The following TSPAN1 variants were observed in gnomAD, a reference collection of about 807,000 sequenced individuals.
TSPAN1 encodes tetraspanin-1.
TSPAN1 carries 23 observed loss-of-function variants against 26.9 expected under a neutral mutation model. The observed-to-expected ratio is 0.85, with a 90% CI of 0.62 to 1.21. TSPAN1 has a LOEUF of 1.21. TSPAN1 is among the 50% of genes most tolerant of loss of function. The pLI is 0.00. For synonymous variants in TSPAN1, 115 were observed against 114.8 expected, an observed-to-expected ratio of 1.00 and a Z score of -0.01; for missense variants, 283 against 298.4, an observed-to-expected ratio of 0.95 and a Z score of 0.38.
chr1:46,184,486 C>T (rs922383246), intron 4 of TSPAN1, 89 bp downstream of exon 4: 14 of 1,600,564 alleles, frequency 8.7e-6, no homozygotes, highest in Non-Finnish European at 1.1e-5. Context: ...CTGCTTTGGA[C>T]CCCCCTAGGC....
chr1:46,196,225 G>T, the TSPAN1 span: 5 of 1,497,862 alleles, frequency 3.3e-6, no homozygotes, highest in East Asian at 9.8e-5. This position sits in a 1 kb window ranked among gnomAD's most constrained non-coding sequence, Gnocchi z 4.4. Context: ...CAGCTCGAAG[G>T]CCACCTCTTC....
At chr1:46,177,946 A>G (rs1355059173) in intron 1 of TSPAN1, among the ~76,000 whole-genome samples, 1 of 152,208 alleles carries the variant, frequency 6.6e-6, no homozygotes, top group African/African-American at 2.4e-5. Context: ...AACCCAGAGC[A>G]CTTAACTCTC....
downstream of TSPAN1, chr1:46,189,079 T>C (rs1571644792): frequency 2.6e-6 from 4 of 1,515,072 alleles, no homozygotes; most frequent in South Asian, 2.7e-5. Flanking sequence ...AGTAAATAAA[T>C]AGACTTTTAA....
intron 4 of TSPAN1, 52 bp downstream of exon 4, chr1:46,184,449 G>T (rs910691137): frequency 6.2e-7 from 1 of 1,612,202 alleles, no homozygotes; most frequent in Non-Finnish European, 8.5e-7. Context: ...CCTCGCCCTT[G>T]ACACCAGGCC....
At chr1:46,181,211 G>GTCACAAGCTGAGTA in intron 3 of TSPAN1, 47 bp downstream of exon 3, 1 of 1,571,144 alleles carries the variant, frequency 6.4e-7, no homozygotes, top group Non-Finnish European at 8.7e-7. Context: ...ATAGGAGCAG[G>GTCACAAGCTGAGTA]TCACAAGCTG....
At chr1:46,193,727 G>A in the TSPAN1 span, 1 of 1,603,336 alleles carries the variant, frequency 6.2e-7, no homozygotes, top group Non-Finnish European at 8.5e-7. Flanking sequence ...GAGTCCCTAT[G>A]CTTACCCACA....
rs1657115440 is a variant in TSPAN1, at chr1:46,175,613, C to A, written c.-142+204C>A. 4 of 398,944 alleles carry A rather than the reference C, an allele frequency of 1.0e-5. No homozygotes were observed. The South Asian group carries it at 5.1e-4, about 51-fold the overall frequency. 24.7% of individuals were successfully genotyped at this position (398,944 alleles called of 1,614,324 possible). ...AGAGGATCAGAAAAATCCCAGGTTG[C>A]CTGAGATGTCTGAGAACTGAGGAGA... On this transcript the variant is annotated intron_variant, in intron 1 of 8. Transcript: ENST00000372003.
chr1:46,183,720 T>C (rs1311037754), intron 3 of TSPAN1: 1 of 182,854 alleles, frequency 5.5e-6, no homozygotes, highest in Non-Finnish European at 1.2e-5. Context: ...CTCTCCAAGG[T>C]TGCCAGCAGG....
At chr1:46,188,698 C>CT, downstream of TSPAN1, 2 of 1,596,742 alleles carry the variant, frequency 1.3e-6, no homozygotes, top group South Asian at 1.1e-5. Context: ...AGGGCTTCTC[C>CT]TTTTTTAATC....
downstream of TSPAN1, among the ~76,000 whole-genome samples, chr1:46,187,525 C>T (rs1657460473): frequency 2.0e-5 from 3 of 152,156 alleles, no homozygotes; most frequent in African/African-American, 7.2e-5. Context: ...AGGGACCTGG[C>T]CAGAACCAAA....
At chr1:46,182,990 T>A (rs922411641) in intron 3 of TSPAN1, among the ~76,000 whole-genome samples, 65 of 152,044 alleles carry the variant, frequency 4.3e-4, no homozygotes, top group East Asian at 9.7e-4. Context: ...TTAAAAAAAA[T>A]TTTTTTTGTA....
At chr1:46,180,045 GTTGT>G (rs1250888719) in intron 1 of TSPAN1, among the ~76,000 whole-genome samples, 3 of 151,890 alleles carry the variant, frequency 2.0e-5, no homozygotes, top group Non-Finnish European at 4.4e-5. Flanking sequence ...ATATTATTCT[GTTGT>G]TTGTTAGTTG....
At position 46,175,275 on chromosome 1, in the gene TSPAN1, T is replaced by G. The variant is rs1211133213; in HGVS notation, c.-276T>G. On this transcript the variant is annotated 5_prime_UTR_variant, in exon 1 of 9. Transcript: ENST00000372003. ...ACCCTTCTCCCTGTGCAGTTAGGAG[T>G]GTAAGGCAAGAGAGCCCCTACTTCA... is the stretch of plus-strand genomic sequence containing the variant. 1 of 263,928 alleles carries G rather than the reference T, an allele frequency of 3.8e-6. No individual in the cohort carries two copies. Among genetic ancestry groups the G allele is most frequent in the African/African-American group, 2.2e-5 (1 of 45,424 alleles). 16.3% of individuals were successfully genotyped at this position (263,928 alleles called of 1,614,324 possible).
chr1:46,195,306 T>C, the TSPAN1 span, among the ~76,000 whole-genome samples: 3 of 152,178 alleles, frequency 2.0e-5, no homozygotes, highest in Admixed American at 6.5e-5. Context: ...ACCTTCCCAC[T>C]ATAGGGGCTT....
At chr1:46,194,390 G>A in the TSPAN1 span, 1 of 1,614,200 alleles carries the variant, frequency 6.2e-7, no homozygotes, top group Non-Finnish European at 8.5e-7. Context: ...TCTGCCCAGT[G>A]GCACTCTGCC....
the TSPAN1 span, chr1:46,194,498 CT>C: frequency 6.2e-7 from 1 of 1,614,040 alleles, no homozygotes; most frequent in East Asian, 2.2e-5. Flanking sequence ...ACAGAGAGAT[CT>C]AAATGCCCAC....
the TSPAN1 span, chr1:46,194,646 C>T: frequency 5.0e-6 from 8 of 1,614,140 alleles, no homozygotes; most frequent in African/African-American, 1.3e-5. Context: ...TCCCCGAAGA[C>T]AGGACCTGGC....
At chr1:46,186,272 G>C (rs1657425171), downstream of TSPAN1, among the ~76,000 whole-genome samples, 1 of 152,060 alleles carries the variant, frequency 6.6e-6, no homozygotes, top group Admixed American at 6.6e-5. Flanking sequence ...ACAAGCTTGT[G>C]ACGAATTCTT....
At chr1:46,194,321 C>T in the TSPAN1 span, 2 of 1,614,236 alleles carry the variant, frequency 1.2e-6, no homozygotes, top group Non-Finnish European at 8.5e-7. Context: ...CAGCTGCATA[C>T]ACTTCCATAG....
Sources: allele counts gnomAD v4.1 joint callset (sites outside exome capture counted in the v4.1 genomes callset), GRCh38; gene constraint gnomAD v4.1.1; non-coding constraint Gnocchi (gnomAD v3.1); transcripts MANE v1.5; gene names NCBI Gene and HGNC (gene_info 2026-07-23, HGNC 2026-07-21).